The following GLI2 variants were observed in gnomAD, a reference collection of about 807,000 sequenced individuals.
GLI2 encodes the protein GLI family zinc finger 2.
In GLI2, 22 loss-of-function variants were observed where a neutral mutation model predicts 78.9. The observed-to-expected ratio is 0.28, with a 90% CI of 0.20 to 0.40. The LOEUF is 0.40. GLI2 is among the 10% of genes least tolerant of loss of function. GLI2 has a pLI of 1.00. For synonymous variants in GLI2, 974 were observed against 963.7 expected (o/e 1.01, Z -0.20); for missense variants, 2,097 against 2,213.2 (o/e 0.95, Z 1.05).
chr2:120,834,919 G>GGAAAC lies in GLI2; in HGVS notation c.148+37451_148+37452insGAAAC, dbSNP rs1223541654. Among the ~76,000 whole-genome samples the GGAAAC allele has an allele frequency of 2.8e-4, 43 of 152,248 alleles. 2 individuals carry two copies. In the East Asian group the frequency reaches 6.6e-3, roughly 23 times the overall value. ...GCATTTCAGGGGCTCTGCACCCCAT[G>GGAAAC]TTCTCTGGGCTAAACCCACATGGGT... On this transcript the variant is annotated intron_variant, in intron 2 of 13. Transcript: ENST00000361492.
At chr2:120,824,291 A>C (rs1404216214) in intron 2 of GLI2, among the ~76,000 whole-genome samples, 1 of 152,164 alleles carries the variant, frequency 6.6e-6, no homozygotes, top group Non-Finnish European at 1.5e-5. Context: ...GGCAGCAACA[A>C]ATTTACTCGC....
At chr2:120,905,867 GC>G (rs149778827) in intron 2 of GLI2, among the ~76,000 whole-genome samples, 17,649 of 146,068 alleles carry the variant, frequency 0.12, 1,583 homozygotes, top group African/African-American at 0.26. Flanking sequence ...GGGCTACACT[GC>G]CCCCCCCCCG....
intron 4 of GLI2, among the ~76,000 whole-genome samples, chr2:120,954,334 G>A (rs1259612235): frequency 6.6e-6 from 1 of 152,200 alleles, no homozygotes; most frequent in Non-Finnish European, 1.5e-5. Context: ...TTGAGGCATG[G>A]ACAGGGGAGG....
chr2:120,836,426 C>T (rs569467584), intron 2 of GLI2, among the ~76,000 whole-genome samples: 52 of 152,242 alleles, frequency 3.4e-4, no homozygotes, highest in African/African-American at 1.2e-3. Flanking sequence ...TTGAAAGCTC[C>T]GTAGACGCCA....
intron 2 of GLI2, among the ~76,000 whole-genome samples, chr2:120,893,881 C>T (rs277534): frequency 0.75 from 113,866 of 152,044 alleles, 43,067 homozygotes; most frequent in East Asian, 0.92. Flanking sequence ...TTTAGCAAAG[C>T]TGTTTATTTT....
chr2:120,869,228 ATGTT>A, intron 2 of GLI2, among the ~76,000 whole-genome samples: 1 of 152,196 alleles, frequency 6.6e-6, no homozygotes, highest in East Asian at 1.9e-4. Flanking sequence ...AGCCAGTCCT[ATGTT>A]TGTGAGACCT....
intron 2 of GLI2, among the ~76,000 whole-genome samples, chr2:120,908,231 C>T (rs558367470): frequency 3.3e-4 from 50 of 152,292 alleles, no homozygotes; most frequent in African/African-American, 1.0e-3. Context: ...TGCACTCAGC[C>T]GTGCTTGGCT....
intron 2 of GLI2, among the ~76,000 whole-genome samples, chr2:120,845,513 G>A (rs1687074651): frequency 6.6e-6 from 1 of 152,190 alleles, no homozygotes; most frequent in South Asian, 2.1e-4. Flanking sequence ...CCAGTTGGCT[G>A]GGGCTGGCTG....
intron 2 of GLI2, among the ~76,000 whole-genome samples, chr2:120,921,719 G>C (rs1189673479): frequency 6.6e-6 from 1 of 152,112 alleles, no homozygotes; most frequent in African/African-American, 2.4e-5. Context: ...TCCAAAAGTT[G>C]TATCAGAGCA....
At chr2:120,803,299 G>A (rs1430455996) in intron 2 of GLI2, among the ~76,000 whole-genome samples, 10 of 152,232 alleles carry the variant, frequency 6.6e-5, no homozygotes, top group Non-Finnish European at 2.9e-5. Flanking sequence ...TATAAAATGG[G>A]CATGATCTTG....
intron 1 of GLI2, 83 bp from the exon 2 acceptor site, chr2:120,797,208 C>T (rs1041080468): frequency 2.2e-5 from 22 of 992,676 alleles, no homozygotes; most frequent in Admixed American, 6.9e-5. Flanking sequence ...GCTTTAGGAG[C>T]GAGCGGCGGT....
intron 1 of GLI2, among the ~76,000 whole-genome samples, chr2:120,760,880 G>C (rs573236727): frequency 2.0e-5 from 3 of 152,274 alleles, no homozygotes; most frequent in Non-Finnish European, 4.4e-5. Flanking sequence ...AGCCTGTCCC[G>C]AGAAGGTTCT....
At chr2:120,976,205 T>C (rs2105041095) in intron 9 of GLI2, among the ~76,000 whole-genome samples, 1 of 152,274 alleles carries the variant, frequency 6.6e-6, no homozygotes, top group Admixed American at 6.5e-5. Flanking sequence ...CACACACACA[T>C]GCACGCGTCT....
intron 3 of GLI2, among the ~76,000 whole-genome samples, chr2:120,939,675 C>G (rs1042385296): frequency 6.6e-6 from 1 of 152,228 alleles, no homozygotes; most frequent in Non-Finnish European, 1.5e-5. Context: ...TCTATGTTGA[C>G]TGGCATTTGG....
intron 2 of GLI2, among the ~76,000 whole-genome samples, chr2:120,820,367 C>T (rs536520724): frequency 2.6e-4 from 40 of 152,328 alleles, no homozygotes; most frequent in Admixed American, 1.4e-3. Flanking sequence ...TCCAGCTGGA[C>T]GCCGGAGTTC....
intron 2 of GLI2, among the ~76,000 whole-genome samples, chr2:120,897,732 A>G (rs1303897049): frequency 6.6e-6 from 1 of 152,186 alleles, no homozygotes; most frequent in Admixed American, 6.5e-5. Context: ...TCAGGCCTGA[A>G]GATCTCTTAG....
At chr2:120,927,554 CTCTG>C in intron 3 of GLI2, 88 bp downstream of exon 3, 1 of 854,706 alleles carries the variant, frequency 1.2e-6, no homozygotes, top group South Asian at 1.3e-5. Flanking sequence ...CATCTCCTGC[CTCTG>C]TCTTTCTTTT....
intron 2 of GLI2, among the ~76,000 whole-genome samples, chr2:120,826,024 G>A (rs1420016024): frequency 6.6e-6 from 1 of 152,242 alleles, no homozygotes; most frequent in Non-Finnish European, 1.5e-5. Flanking sequence ...TGGGCACGAT[G>A]GGAGGCTGCC....
chr2:120,742,758 T>C (rs942257751), intron 1 of GLI2, among the ~76,000 whole-genome samples: 16 of 152,092 alleles, frequency 1.1e-4, no homozygotes, highest in African/African-American at 3.6e-4. Flanking sequence ...TTTGAGCTCA[T>C]GATTTCTTTT....
Sources: allele counts gnomAD v4.1 joint callset (sites outside exome capture counted in the v4.1 genomes callset), GRCh38; gene constraint gnomAD v4.1.1; transcripts MANE v1.5; gene names NCBI Gene and HGNC (gene_info 2026-07-23, HGNC 2026-07-21).